GABRE: variants seen among roughly 807,000 people sequenced by gnomAD.
The protein encoded by GABRE is gamma-aminobutyric acid type A receptor subunit epsilon, also known as gamma-aminobutyric acid receptor subunit epsilon.
GABRE carries 20 observed loss-of-function variants against 31.0 expected under a neutral mutation model. The ratio of observed to expected loss-of-function variants is 0.64; its 90% CI spans 0.45 to 0.94. GABRE has a LOEUF of 0.94. Among genes scored for constraint, GABRE ranks in the 40% least tolerant of loss-of-function variants. The probability of loss-of-function intolerance (pLI) is 0.00; values close to 1 mark genes in which losing one functional copy is unlikely to be tolerated. For missense variants in GABRE, 420 were observed against 410.7 expected (o/e 1.02, Z -0.20); for synonymous variants, 155 against 150.6 (o/e 1.03, Z -0.21).
intron 7 of GABRE, 61 bp downstream of exon 7, chrX:151,955,647 C>G (rs1934140557): frequency 8.3e-7 from 1 of 1,202,777 alleles, no homozygotes; most frequent in Non-Finnish European, 1.1e-6. Context: ...CAAGGCAACT[C>G]TGCCCTGGCC....
chrX:151,974,668 T>C lies in GABRE; in HGVS notation c.-43A>G, dbSNP rs1235164604. 1.4e-5 allele frequency: 15 copies of C among 1,036,829 alleles called. No individual in the cohort carries two copies. The highest frequency in any genetic ancestry group is 2.0e-5 in the Non-Finnish European group (15 of 759,282). The allele number at this position is 1,036,829 out of a possible 1,213,427, so 85.4% of individuals were successfully genotyped here. A position where few individuals can be genotyped will look rare whatever the true frequency, so the allele number is the denominator to read the frequency against. ...CGACCACCTGCGCGGAGGTCGCGGC[T>C]CACGCTCTGGCCGCACTGAGCGCGG... On this transcript the variant is annotated 5_prime_UTR_variant, in exon 1 of 9. Coordinates refer to ENST00000370328, the MANE Select transcript of GABRE (RefSeq NM_004961.4).
chrX:151,955,598 T>C, intron 7 of GABRE, 31 bp from the exon 8 acceptor site: 1 of 1,201,690 alleles, frequency 8.3e-7, no homozygotes, highest in East Asian at 3.0e-5. Flanking sequence ...TGGGCTCAGC[T>C]CCTGACCTAT....
intron 1 of GABRE, 63 bp downstream of exon 1, chrX:151,974,502 GCCGTC>G: frequency 1.3e-6 from 1 of 754,334 alleles, no homozygotes. Flanking sequence ...GGTCCCGGGA[GCCGTC>G]CCGGCTCCCG....
chrX:151,971,151 G>C, intron 1 of GABRE: 1 of 854,880 alleles, frequency 1.2e-6, no homozygotes, highest in Non-Finnish European at 1.5e-6. Flanking sequence ...GATGGTGTTA[G>C]AAGTCCGGAT....
In GABRE at chrX:151,974,615, T is replaced by A; in HGVS notation, c.11A>T (p.Lys4Ile). ...GATGCCTAGGAGGACTGGAAGAACTTTGGACAACATTTCCGCGGAGACCGG... is the reference window on the plus strand; with the variant it reads ...GATGCCTAGGAGGACTGGAAGAACTATGGACAACATTTCCGCGGAGACCGG... MLSKVLPVLLGILL... is the reference protein window; with the variant it reads MLSIVLPVLLGILL... The change falls in exon 1 of 9, where the codon AAA becomes ATA. Residue 4 changes from lysine to isoleucine, a missense_variant. Lys to Ile is a moderately radical substitution (Grantham distance 102). Transcript: ENST00000370328. 8.5e-7 allele frequency: 1 copy of A among 1,175,776 alleles called. No homozygotes were observed. The highest frequency in any genetic ancestry group is 1.1e-6 in the Non-Finnish European group (1 of 876,501).
chrX:151,955,280 G>A lies in GABRE; in HGVS notation c.1137+88C>T, dbSNP rs139399452. ...GTAACATTCCATCACTCAGCAAGCT[G>A]ACCACCCATGTGCCATAACCCCAGT... On this transcript the variant is annotated intron_variant, in intron 8 of 8. Coordinates refer to ENST00000370328, the MANE Select transcript of GABRE (RefSeq NM_004961.4). 3.7e-3 allele frequency: 4,408 copies of A among 1,205,521 alleles called. 14 individuals carry two copies. The highest frequency in any genetic ancestry group is 3.3e-3 in the Non-Finnish European group (2,940 of 893,076).
chrX:151,955,197 C>T (rs765618455), intron 8 of GABRE, 113 bp from the exon 9 acceptor site: 1 of 1,171,959 alleles, frequency 8.5e-7, no homozygotes, highest in Non-Finnish European at 1.1e-6. Flanking sequence ...CTTGGCTTCT[C>T]TCCTCCAACT....
intron 5 of GABRE, among the ~76,000 whole-genome samples, 187 bp from the exon 6 acceptor site, chrX:151,960,163 G>C (rs1256078271): frequency 8.9e-6 from 1 of 112,120 alleles, no homozygotes; most frequent in Non-Finnish European, 1.9e-5. Context: ...GCATTCCTCA[G>C]TATCAGGCCC....
intron 3 of GABRE, among the ~76,000 whole-genome samples, chrX:151,965,296 T>C (rs753654739): frequency 9.8e-5 from 11 of 112,235 alleles, no homozygotes; most frequent in African/African-American, 2.3e-4. Flanking sequence ...TGAATGTGTG[T>C]GTTCGTGTGC....
intron 1 of GABRE, among the ~76,000 whole-genome samples, chrX:151,973,560 AACAAGACAC>A (rs1447925912): frequency 9.0e-6 from 1 of 111,301 alleles, no homozygotes; most frequent in African/African-American, 3.3e-5. Context: ...AGAACAGACA[AACAAGACAC>A]AAGCCCAGTG....
chrX:151,955,372 C>T lies in GABRE; in HGVS notation c.1133G>A (p.Arg378His), dbSNP rs1337854518. The change falls in exon 8 of 9, where the codon CGC becomes CAC. Residue 378 changes from arginine to histidine, a missense_variant. Arg to His is a conservative substitution (Grantham distance 29). Coordinates refer to ENST00000370328, the MANE Select transcript of GABRE (RefSeq NM_004961.4). ...ACTCCCATACCCAGCTCATACATGG[C>T]GGAGTTTAGGAGAAGCATGGGCTTT... ...QTKAHASPKL[R>H]HPRINSRAHA... 20 of 1,211,609 alleles carry T rather than the reference C, an allele frequency of 1.7e-5. No individual in the cohort carries two copies. The highest frequency in any genetic ancestry group is 2.2e-5 in the Non-Finnish European group (20 of 895,308).
intron 8 of GABRE, 32 bp from the exon 9 acceptor site, chrX:151,955,116 G>A (rs770984994): frequency 8.4e-7 from 1 of 1,193,284 alleles, no homozygotes; most frequent in Non-Finnish European, 1.1e-6. Context: ...GTGGGGAAAA[G>A]TCAAGGGAAG....
intron 3 of GABRE, among the ~76,000 whole-genome samples, chrX:151,964,531 T>C (rs1030084316): frequency 8.9e-6 from 1 of 111,767 alleles, no homozygotes; most frequent in East Asian, 2.8e-4. Context: ...CTTAATTCCA[T>C]GGGCTGGGCT....
In GABRE at chrX:151,954,917, C is replaced by G. The variant is rs61730042; in HGVS notation, c.1305G>C (p.Glu435Asp). 8.5e-4 allele frequency: 1,030 copies of G among 1,208,785 alleles called. 10 individuals carry two copies. The African/African-American group carries it at 0.015, about 17-fold the overall frequency. ...GCTTGGAGCAGAGGCTGCGGGGACC[C>G]TCAGGGCTACCTGGGCTAGGGGGCT... ...AQQPPSPGSP[E>D]GPRSLCSKLA... The change falls in exon 9 of 9, where the codon GAG (glutamate) becomes GAC (aspartate). Residue 435 changes from glutamate (E) to aspartate (D), a missense_variant. Transcript: ENST00000370328.
At chrX:151,970,100 T>C in intron 2 of GABRE, 85 bp downstream of exon 2, 1 of 1,170,962 alleles carries the variant, frequency 8.5e-7, no homozygotes, top group Admixed American at 2.4e-5. Flanking sequence ...TGGCACCCTC[T>C]GTTACTGCCC....
At chrX:151,966,313 T>C (rs1432777735) in intron 3 of GABRE, among the ~76,000 whole-genome samples, 4 of 112,060 alleles carry the variant, frequency 3.6e-5, no homozygotes, top group Non-Finnish European at 5.6e-5. Context: ...ATCGATGCTA[T>C]GATGGGCAGC....
chrX:151,955,619 G>C, intron 7 of GABRE, 52 bp from the exon 8 acceptor site: 1 of 1,197,656 alleles, frequency 8.3e-7, no homozygotes, highest in Non-Finnish European at 1.1e-6. Context: ...GTGCGACATT[G>C]GTTAAAAGAC....
Position 151,955,342 on chromosome X carries a change from C to A in GABRE, c.1137+26G>T, listed in dbSNP as rs753890768. The A allele has an allele frequency of 7.2e-5, 87 of 1,207,673 alleles. 2 individuals are homozygous for A. The highest frequency in any genetic ancestry group is 1.1e-4 in the Admixed American group (5 of 45,766). ...CATGTCTCTACACTCCAAAGCCTTG[C>A]CACCACTCCCATACCCAGCTCATAC... On this transcript the variant is annotated intron_variant, in intron 8 of 8. Transcript: ENST00000370328.
intron 1 of GABRE, among the ~76,000 whole-genome samples, chrX:151,970,738 C>G (rs1934668993): frequency 8.9e-6 from 1 of 112,340 alleles, no homozygotes; most frequent in Non-Finnish European, 1.9e-5. Context: ...TGTGACTAGC[C>G]TTGGCCTCTA....
Sources: gnomAD v4.1 joint callset for allele counts (sites outside exome capture counted in the v4.1 genomes callset) on GRCh38, gnomAD v4.1.1 for gene constraint, MANE v1.5 for transcripts, NCBI Gene and HGNC (gene_info 2026-07-23, HGNC 2026-07-21) for gene names.